Variants in PCDHGB5 observed in about 807,000 individuals in gnomAD.
PCDHGB5 encodes the protein protocadherin gamma-B5.
Under a neutral mutation model 62.9 loss-of-function variants are expected in PCDHGB5, and 48 were observed. That is an observed-to-expected ratio of 0.76 (90% CI 0.61 to 0.97). PCDHGB5 has a LOEUF of 0.97. PCDHGB5 is among the 50% of genes least tolerant of loss of function. The pLI, the probability that PCDHGB5 is intolerant of heterozygous loss-of-function variation, is 0.00. For synonymous variants in PCDHGB5, 474 were observed against 511.2 expected (o/e 0.93, Z 0.98); for missense variants, 1,118 against 1,198.6 (o/e 0.93, Z 0.99).
chr5:141,400,280 CCG>C lies in PCDHGB5; in HGVS notation c.2155_2156del (p.Ala719LeufsTer42), dbSNP rs769084717. The C allele has an allele frequency of 1.2e-5, 19 of 1,613,948 alleles. No homozygotes were observed. The highest frequency in any genetic ancestry group is 1.4e-5 in the Non-Finnish European group (17 of 1,179,908). On this transcript the variant is annotated frameshift_variant, in exon 1 of 4. Coordinates refer to ENST00000617380, the MANE Select transcript of PCDHGB5 (RefSeq NM_018925.3). LOFTEE classifies it high-confidence loss of function. ...CGCCTGCGACGCTCCTCCAGCCCTG[CCG>C]CCTGGAGCTGCTTCCAACCTGGTCT...
intron 1 of PCDHGB5, among the ~76,000 whole-genome samples, chr5:141,426,099 G>A (rs1590666889): frequency 1.3e-5 from 2 of 152,348 alleles, no homozygotes; most frequent in African/African-American, 4.8e-5. Context: ...ATTCTGTTCA[G>A]TCACAGAAGC....
chr5:141,469,830 A>G (rs184478661), intron 1 of PCDHGB5, among the ~76,000 whole-genome samples: 1 of 152,124 alleles, frequency 6.6e-6, no homozygotes, highest in African/African-American at 2.4e-5. Flanking sequence ...GGTCACATAA[A>G]ACTTATTCTT....
rs569220332 is a variant in PCDHGB5, at chr5:141,475,688, A to G, written c.2398-19119A>G. 2.0e-5 allele frequency among the ~76,000 whole-genome samples: 3 copies of G among 152,330 alleles called. No homozygotes were observed. In the South Asian group the frequency reaches 6.2e-4, roughly 32 times the overall value. On this transcript the variant is annotated intron_variant, in intron 1 of 3. Coordinates refer to ENST00000617380, the MANE Select transcript of PCDHGB5 (RefSeq NM_018925.3). ...TTTAATGAGTCTTGATTTGGATTGG[A>G]GACTTGCAGAACGGCTAGCCTCACA...
At position 141,511,246 on chromosome 5, in the gene PCDHGB5, G is replaced by A; in HGVS notation, c.*73G>A. 2 of 1,578,734 alleles carry A rather than the reference G, an allele frequency of 1.3e-6. No homozygotes were observed. Among genetic ancestry groups the A allele is most frequent in the Non-Finnish European group, 1.7e-6 (2 of 1,162,472 alleles). On this transcript the variant is annotated 3_prime_UTR_variant, in exon 4 of 4. Coordinates refer to ENST00000617380, the MANE Select transcript of PCDHGB5 (RefSeq NM_018925.3). The stretch of plus-strand genomic sequence containing the variant: ...CCAGCTTCTCCTTACCTGCACCCAG[G>A]CCTCAGAGTTTCAGGGCTAACCCCC...
intron 1 of PCDHGB5, chr5:141,423,750 TGGGGG>T: frequency 5.2e-5 from 15 of 287,416 alleles, no homozygotes; most frequent in Non-Finnish European, 6.3e-5. Context: ...GAAAACTGTT[TGGGGG>T]GGGGGTGGGG....
In PCDHGB5 at chr5:141,489,873, G is replaced by A. The variant is rs1252665956; in HGVS notation, c.2398-4934G>A. The A allele has an allele frequency of 4.3e-6, 7 of 1,614,224 alleles. No homozygotes were observed. The highest frequency in any genetic ancestry group is 5.9e-6 in the Non-Finnish European group (7 of 1,180,030). On this transcript the variant is annotated intron_variant, in intron 1 of 3. Coordinates refer to ENST00000617380, the MANE Select transcript of PCDHGB5 (RefSeq NM_018925.3). The surrounding 1 kb of genome is among the most constrained non-coding windows in gnomAD (Gnocchi z 4.5). Reference sequence around the variant, plus strand: ...AAGCCCAGGCAAGACATCAGCTGGTGCTTACTGCTGTGGATGGGGGGACCC... The same window carrying A: ...AAGCCCAGGCAAGACATCAGCTGGTACTTACTGCTGTGGATGGGGGGACCC...
Position 141,454,549 on chromosome 5 carries a change from G to A in PCDHGB5, c.2398-40258G>A, listed in dbSNP as rs188623155. ...AGCCTCCCAAGTAGCTGAGATTACA[G>A]GCATGTGCCACCACGCCCGGCTAAT... On this transcript the variant is annotated intron_variant, in intron 1 of 3. Transcript: ENST00000617380. Among the ~76,000 whole-genome samples, 406 of 152,154 alleles carry A rather than the reference G, an allele frequency of 2.7e-3. 2 individuals are homozygous for A. The highest frequency in any genetic ancestry group is 0.021 in the South Asian group (99 of 4,814).
intron 2 of PCDHGB5, among the ~76,000 whole-genome samples, chr5:141,498,068 A>G (rs765582921): frequency 6.6e-6 from 1 of 152,244 alleles, no homozygotes; most frequent in Non-Finnish European, 1.5e-5. Context: ...TGAAACTGTC[A>G]TAAGTGCTAG....
At chr5:141,482,957 C>A (rs2099575063) in intron 1 of PCDHGB5, among the ~76,000 whole-genome samples, 2 of 57,944 alleles carry the variant, frequency 3.5e-5, no homozygotes, top group Admixed American at 1.5e-4. Context: ...CCTGTAATTC[C>A]AGCTACTTGA....
intron 1 of PCDHGB5, chr5:141,479,247 C>A (rs1428944159): frequency 6.6e-6 from 1 of 152,084 alleles, no homozygotes; most frequent in Non-Finnish European, 1.5e-5. Flanking sequence ...CAAAGATAAC[C>A]ATTTTTAATT....
At chr5:141,460,650 T>C (rs1264813071) in intron 1 of PCDHGB5, among the ~76,000 whole-genome samples, 2 of 152,094 alleles carry the variant, frequency 1.3e-5, no homozygotes, top group East Asian at 3.9e-4. Flanking sequence ...TGTTTACACA[T>C]ATGTAACTGT....
At chr5:141,403,891 A>T (rs779525294) in intron 1 of PCDHGB5, 17 of 1,613,752 alleles carry the variant, frequency 1.1e-5, no homozygotes, top group Admixed American at 1.0e-4. Flanking sequence ...AAGAATGTTC[A>T]TTTTATGAAA....
chr5:141,448,956 C>A (rs2098619571), intron 1 of PCDHGB5, among the ~76,000 whole-genome samples: 1 of 151,948 alleles, frequency 6.6e-6, no homozygotes, highest in Non-Finnish European at 1.5e-5. Context: ...AAAAAACAAA[C>A]AAACAAACAA....
chr5:141,480,122 C>T (rs576224922), intron 1 of PCDHGB5, among the ~76,000 whole-genome samples: 1 of 151,948 alleles, frequency 6.6e-6, no homozygotes, highest in African/African-American at 2.4e-5. Flanking sequence ...CCTGGCATAT[C>T]ATAACTGTTA....
chr5:141,409,312 AAC>A (rs762706827), intron 1 of PCDHGB5: 39 of 1,613,880 alleles, frequency 2.4e-5, no homozygotes, highest in Admixed American at 1.7e-4. Flanking sequence ...CCCTCTTCAA[AAC>A]ACGGGATCTG....
chr5:141,418,822 A>C (rs780172404), intron 1 of PCDHGB5: 9 of 1,613,988 alleles, frequency 5.6e-6, no homozygotes, highest in Non-Finnish European at 7.6e-6. Flanking sequence ...ACATAGAAGC[A>C]AAAGACCGAG....
chr5:141,476,483 G>T lies in PCDHGB5; in HGVS notation c.2398-18324G>T. On this transcript the variant is annotated intron_variant, in intron 1 of 3. Coordinates refer to ENST00000617380, the MANE Select transcript of PCDHGB5 (RefSeq NM_018925.3). The surrounding 1 kb of genome is among the most constrained non-coding windows in gnomAD (Gnocchi z 7.6). ...CCCGCTGGAGCTGTTCAGCGTGGAA[G>T]TGGTGATCCAGGACATCAACGACAA... 6.2e-7 allele frequency: 1 copy of T among 1,614,166 alleles called. No homozygotes were observed. The highest frequency in any genetic ancestry group is 8.5e-7 in the Non-Finnish European group (1 of 1,180,034).
At chr5:141,422,709 T>A in intron 1 of PCDHGB5, 1 of 1,603,558 alleles carries the variant, frequency 6.2e-7, no homozygotes, top group Admixed American at 1.7e-5. Flanking sequence ...CTCTGACGGA[T>A]GACACTGTCC....
At position 141,496,266 on chromosome 5, in the gene PCDHGB5, AAGACCTTC is replaced by A. The variant is rs2099767586; in HGVS notation, c.2456+1404_2456+1411del. Among the ~76,000 whole-genome samples the A allele has an allele frequency of 2.0e-5, 3 of 152,152 alleles. No homozygotes were observed. The South Asian group carries it at 6.2e-4, about 32-fold the overall frequency. Reference sequence around the variant, plus strand: ...TGAAGGGGAGGGAAACTTCAGCAGAAAGACCTTCAGTTGGTCTGAGCAGAGTGGGATAG... The same window carrying A: ...TGAAGGGGAGGGAAACTTCAGCAGAAAGTTGGTCTGAGCAGAGTGGGATAG... On this transcript the variant is annotated intron_variant, in intron 2 of 3. Coordinates refer to ENST00000617380, the MANE Select transcript of PCDHGB5 (RefSeq NM_018925.3).
Sources: gnomAD v4.1 joint callset for allele counts (sites outside exome capture counted in the v4.1 genomes callset) on GRCh38, gnomAD v4.1.1 for gene constraint, Gnocchi (gnomAD v3.1) non-coding constraint, MANE v1.5 for transcripts, NCBI Gene and HGNC (gene_info 2026-07-23, HGNC 2026-07-21) for gene names.